Variants in IFT140 observed in about 807,000 individuals in gnomAD.
IFT140 encodes intraflagellar transport 140.
Under a neutral mutation model 164.6 loss-of-function variants are expected in IFT140, and 133 were observed. The ratio of observed to expected loss-of-function variants is 0.81; its 90% CI spans 0.70 to 0.93. IFT140 has a LOEUF of 0.93. IFT140 is among the 40% of genes least tolerant of loss of function. IFT140 has a pLI of 0.00. For synonymous variants in IFT140, 860 were observed against 817.3 expected (o/e 1.05, Z -0.89); for missense variants, 2,045 against 1,972.3 (o/e 1.04, Z -0.70).
intron 13 of IFT140, among the ~76,000 whole-genome samples, 198 bp from the exon 14 acceptor site, chr16:1,571,732 C>G (rs770846658): frequency 6.6e-6 from 1 of 152,192 alleles, no homozygotes; most frequent in Non-Finnish European, 1.5e-5. Flanking sequence ...CTCTGCTGGA[C>G]TCTAGTGCTG....
At chr16:1,534,035 G>C (rs2030791279) in intron 19 of IFT140, 2 of 534,116 alleles carry the variant, frequency 3.7e-6, no homozygotes, top group African/African-American at 2.0e-5. Flanking sequence ...TGCTCCCTGG[G>C]ATGGGCCCCG....
rs956143219 is a variant in IFT140, at chr16:1,568,316, A to T, written c.1671T>A (p.Cys557Ter). Residue 557 changes from cysteine to a stop codon, truncating the protein, a stop_gained, in exon 15 of 31, where the codon TGT becomes TGA. Coordinates refer to ENST00000426508, the MANE Select transcript of IFT140 (RefSeq NM_014714.4). LOFTEE classifies it high-confidence loss of function. ...DLSRREAKAH[C>*]SCRSLAELVP... is the part of the protein sequence containing the mutation. ...CCAGCTCCGCCAGGCTCCTGCAGCT[A>T]CAGTGTGCTTTGGCCTCTCTGCAGG... is the stretch of plus-strand genomic sequence containing the variant. 6.2e-7 allele frequency: 1 copy of T among 1,613,698 alleles called. No individual in the cohort carries two copies. Among genetic ancestry groups the T allele is most frequent in the Non-Finnish European group, 8.5e-7 (1 of 1,180,002 alleles).
At chr16:1,537,210 G>A (rs113185530) in intron 19 of IFT140, among the ~76,000 whole-genome samples, 32 of 151,602 alleles carry the variant, frequency 2.1e-4, no homozygotes, top group African/African-American at 6.7e-4. Flanking sequence ...GTCACACCGC[G>A]TGCCTCCTCA....
In IFT140 at chr16:1,592,163, C is replaced by G; in HGVS notation, c.634+13G>C. ...TGCTAGGACCCCTGAGAATCACAAC[C>G]AAAGTTCCTCACCGTCCATCAGACT... is the stretch of plus-strand genomic sequence containing the variant. On this transcript the variant is annotated intron_variant, in intron 6 of 30. Coordinates refer to ENST00000426508, the MANE Select transcript of IFT140 (RefSeq NM_014714.4). The G allele has an allele frequency of 6.2e-7, 1 of 1,614,044 alleles. No individual in the cohort carries two copies. The highest frequency in any genetic ancestry group is 8.5e-7 in the Non-Finnish European group (1 of 1,179,950).
chr16:1,563,747 C>T (rs1194902394), intron 17 of IFT140, among the ~76,000 whole-genome samples: 2 of 152,134 alleles, frequency 1.3e-5, no homozygotes. Context: ...TTTCAGGACC[C>T]CTTTCCCAGA....
At chr16:1,599,822 G>A (rs2035691476) in intron 4 of IFT140, among the ~76,000 whole-genome samples, 1 of 86,436 alleles carries the variant, frequency 1.2e-5, no homozygotes, top group Admixed American at 1.0e-4. Flanking sequence ...CGTCCAGGAG[G>A]GAGGTGGGGG....
chr16:1,533,237 C>A lies in IFT140; in HGVS notation c.2400-6441G>T, dbSNP rs118152236. On this transcript the variant is annotated intron_variant, in intron 19 of 30. Transcript: ENST00000426508. This position sits in a 1 kb window ranked among gnomAD's most constrained non-coding sequence, Gnocchi z 4.7. Reference sequence around the variant, plus strand: ...CTTCCCAGCAATCCTGTGATATCTGCCCCCCTTTTGAGGGCAGCATTCCCG... The same window carrying A: ...CTTCCCAGCAATCCTGTGATATCTGACCCCCTTTTGAGGGCAGCATTCCCG... 1,012 of 152,466 alleles carry A rather than the reference C, an allele frequency of 6.6e-3. 8 individuals carry two copies. Among genetic ancestry groups the A allele is most frequent in the Admixed American group, 8.8e-3 (134 of 15,304 alleles). 9.4% of individuals were successfully genotyped at this position (152,466 alleles called of 1,614,324 possible).
At chr16:1,588,457 G>A (rs1395559685) in intron 7 of IFT140, among the ~76,000 whole-genome samples, 1 of 151,866 alleles carries the variant, frequency 6.6e-6, no homozygotes, top group African/African-American at 2.4e-5. Context: ...CACGGGAGGC[G>A]GAGATTGCAG....
chr16:1,600,040 A>G (rs1225687090), intron 4 of IFT140, among the ~76,000 whole-genome samples: 1 of 147,172 alleles, frequency 6.8e-6, no homozygotes, highest in African/African-American at 2.6e-5. Context: ...AGATTGAGAA[A>G]TCGGATGGTT....
In IFT140 at chr16:1,553,415, C is replaced by T. The variant is rs1366608920; in HGVS notation, c.2399+4520G>A. On this transcript the variant is annotated intron_variant, in intron 19 of 30. Coordinates refer to ENST00000426508, the MANE Select transcript of IFT140 (RefSeq NM_014714.4). This position sits in a 1 kb window ranked among gnomAD's most constrained non-coding sequence, Gnocchi z 4.4. The stretch of plus-strand genomic sequence containing the variant: ...GGTTTCCTGGGGAATGCAGGGGAGG[C>T]GGTTGGGAGTGGAGAGACCGGCATG... 36 of 985,192 alleles carry T rather than the reference C, an allele frequency of 3.7e-5. No individual in the cohort carries two copies. Among genetic ancestry groups the T allele is most frequent in the East Asian group, 1.1e-4 (1 of 8,822 alleles). 61.0% of individuals were successfully genotyped at this position (985,192 alleles called of 1,614,324 possible). A position where few individuals can be genotyped will look rare whatever the true frequency, so the allele number is the denominator to read the frequency against.
intron 1 of IFT140, 29 bp downstream of exon 1, chr16:1,611,939 T>C (rs2036331277): frequency 6.6e-6 from 1 of 151,996 alleles, no homozygotes. Context: ...CAGAAGCACA[T>C]ACTCCACCCA....
At chr16:1,532,070 T>C (rs1330623282) in intron 19 of IFT140, 1 of 152,288 alleles carries the variant, frequency 6.6e-6, no homozygotes, top group African/African-American at 2.4e-5. Context: ...TTAGGAACAC[T>C]GAGTGTTTGA....
At chr16:1,555,029 C>T (rs771725589) in intron 19 of IFT140, 17 of 1,605,834 alleles carry the variant, frequency 1.1e-5, no homozygotes, top group East Asian at 2.2e-5. Flanking sequence ...CATGCTGAGT[C>T]GCCCTTCTCA....
chr16:1,603,383 T>G (rs1371308184), intron 3 of IFT140, among the ~76,000 whole-genome samples: 1 of 152,180 alleles, frequency 6.6e-6, no homozygotes, highest in African/African-American at 2.4e-5. Flanking sequence ...TTAGTGCCAT[T>G]CATACTCTCC....
chr16:1,553,440 G>A lies in IFT140; in HGVS notation c.2399+4495C>T. 1 of 985,406 alleles carries A rather than the reference G, an allele frequency of 1.0e-6. No individual in the cohort carries two copies. Among genetic ancestry groups the A allele is most frequent in the Non-Finnish European group, 1.2e-6 (1 of 829,926 alleles). 61.0% of individuals were successfully genotyped at this position (985,406 alleles called of 1,614,324 possible). A position where few individuals can be genotyped will look rare whatever the true frequency, so the allele number is the denominator to read the frequency against. On this transcript the variant is annotated intron_variant, in intron 19 of 30. Coordinates refer to ENST00000426508, the MANE Select transcript of IFT140 (RefSeq NM_014714.4). The surrounding 1 kb of genome is among the most constrained non-coding windows in gnomAD (Gnocchi z 4.4). ...CGGTTGGGAGTGGAGAGACCGGCAT[G>A]AACAGACGCACAGGTGTCAACATGC...
At chr16:1,578,250 C>A (rs746691375) in intron 13 of IFT140, 1 of 152,004 alleles carries the variant, frequency 6.6e-6, no homozygotes, top group African/African-American at 2.4e-5. Context: ...TGGATGCCAA[C>A]GAGAATTGAC....
rs765317172 is a variant in IFT140 at position 1,587,265 on chromosome 16, A to T, written c.942T>A (p.Ser314Arg). 1 of 1,612,740 alleles carries T rather than the reference A, an allele frequency of 6.2e-7. No homozygotes were observed. Among genetic ancestry groups the T allele is most frequent in the South Asian group, 1.1e-5 (1 of 91,048 alleles). ...DIERGENYIL[S>R]PDEKFGFEKG... is the part of the protein sequence containing the mutation. ...TCTCAAAGCCAAACTTCTCATCTGG[A>T]CTCAGTATATAATTCTCTCCTCGTT... The change falls in exon 9 of 31, where the codon AGT becomes AGA. Residue 314 changes from serine (S) to arginine (R), a missense_variant. Transcript: ENST00000426508.
intron 4 of IFT140, among the ~76,000 whole-genome samples, chr16:1,596,747 C>G (rs1424965355): frequency 2.0e-5 from 3 of 152,262 alleles, no homozygotes; most frequent in East Asian, 3.9e-4. Flanking sequence ...TAGAACTGAG[C>G]CCGAGGCGCC....
Position 1,568,201 on chromosome 16 carries a change from C to T in IFT140, c.1770+16G>A, listed in dbSNP as rs563911349. 1.5e-4 allele frequency: 230 copies of T among 1,565,306 alleles called. 1 individual carries two copies. The South Asian group carries it at 2.4e-3, about 17-fold the overall frequency. On this transcript the variant is annotated intron_variant, in intron 15 of 30. Coordinates refer to ENST00000426508, the MANE Select transcript of IFT140 (RefSeq NM_014714.4). Reference sequence around the variant, plus strand: ...TGAGGAGGCGGAGTGGGCGAGTGGACGAGGGGTGGCCTCACCTTGCTGGGG... The same window carrying T: ...TGAGGAGGCGGAGTGGGCGAGTGGATGAGGGGTGGCCTCACCTTGCTGGGG...
Sources: allele counts gnomAD v4.1 joint callset (sites outside exome capture counted in the v4.1 genomes callset), GRCh38; gene constraint gnomAD v4.1.1; non-coding constraint Gnocchi (gnomAD v3.1); transcripts MANE v1.5; gene names NCBI Gene and HGNC (gene_info 2026-07-23, HGNC 2026-07-21).